Variants in WDR26 observed in about 807,000 individuals in gnomAD.
WDR26 encodes WD repeat domain 26.
In WDR26, 5 loss-of-function variants were observed where a neutral mutation model predicts 84.1. That is an observed-to-expected ratio of 0.06 (90% CI 0.03 to 0.13). WDR26 has a LOEUF of 0.13. Ranked by LOEUF, WDR26 falls within the 10% of genes least tolerant of loss-of-function variation. WDR26 has a pLI of 1.00. For synonymous variants in WDR26, 415 were observed against 389.6 expected (o/e 1.07, Z -0.77); for missense variants, 642 against 974.9 (o/e 0.66, Z 4.55).
chr1:224,387,418 TTA>T lies in WDR26; in HGVS notation c.*2415_*2416del, dbSNP rs1673014080. 6.6e-6 allele frequency: 1 copy of T among 152,654 alleles called. No homozygotes were observed. Among genetic ancestry groups the T allele is most frequent in the Non-Finnish European group, 1.5e-5 (1 of 68,036 alleles). The allele number at this position is 152,654 out of a possible 1,614,324, so 9.5% of individuals were successfully genotyped here. A position where few individuals can be genotyped will look rare whatever the true frequency, so the allele number is the denominator to read the frequency against. ...ACCAGTATGTACAGGAAGCTGCCAG[TTA>T]AGACAGACCCGGAAAACAAACTCAC... On this transcript the variant is annotated 3_prime_UTR_variant, in exon 14 of 14. Coordinates refer to ENST00000414423, the MANE Select transcript of WDR26 (RefSeq NM_001379403.1).
intron 6 of WDR26, among the ~76,000 whole-genome samples, chr1:224,416,138 A>G (rs1673896728): frequency 6.6e-6 from 1 of 152,190 alleles, no homozygotes; most frequent in Non-Finnish European, 1.5e-5. Context: ...GTTTTGTTTT[A>G]AGATTACAGA....
chr1:224,430,218 G>C (rs974906619), intron 3 of WDR26: 6 of 151,894 alleles, frequency 4.0e-5, no homozygotes, highest in Non-Finnish European at 7.4e-5. Flanking sequence ...TTTGAATATA[G>C]ATGTTTAACT....
At chr1:224,433,648 T>C in intron 1 of WDR26, 36 bp downstream of exon 1, 1 of 1,299,404 alleles carries the variant, frequency 7.7e-7, no homozygotes, top group Non-Finnish European at 9.9e-7. Context: ...CGTCCCTCGG[T>C]CTGTCCATCA....
intron 8 of WDR26, among the ~76,000 whole-genome samples, chr1:224,404,053 T>C (rs947652555): frequency 3.9e-5 from 6 of 152,204 alleles, no homozygotes; most frequent in Non-Finnish European, 8.8e-5. Context: ...AAGGAGATGG[T>C]GCAACTGCCA....
At chr1:224,431,610 G>T in intron 2 of WDR26, 29 bp from the exon 3 acceptor site, 3 of 1,611,418 alleles carry the variant, frequency 1.9e-6, no homozygotes, top group Non-Finnish European at 2.5e-6. Flanking sequence ...AAGAAAAACA[G>T]AAATGTCACA....
chr1:224,394,099 C>G, intron 12 of WDR26, 86 bp from the exon 13 acceptor site: 1 of 1,022,418 alleles, frequency 9.8e-7, no homozygotes, highest in Non-Finnish European at 1.3e-6. Context: ...ACACACAGGA[C>G]TCTTTACTAG....
chr1:224,417,394 C>T (rs12124686), intron 6 of WDR26, among the ~76,000 whole-genome samples: 17,998 of 152,174 alleles, frequency 0.12, 1,300 homozygotes, highest in South Asian at 0.25. Context: ...ATTTGTTATT[C>T]GATATCTTAA....
In WDR26 at chr1:224,389,707, A is replaced by C; in HGVS notation, c.*128T>G. 1 of 1,022,232 alleles carries C rather than the reference A, an allele frequency of 9.8e-7. No homozygotes were observed. Among genetic ancestry groups the C allele is most frequent in the Non-Finnish European group, 1.5e-6 (1 of 662,848 alleles). The allele number at this position is 1,022,232 out of a possible 1,614,324, so 63.3% of individuals were successfully genotyped here. On this transcript the variant is annotated 3_prime_UTR_variant, in exon 14 of 14. Transcript: ENST00000414423. ...ATGTTTGGCCCCAATCGGGCTTCAG[A>C]AATGGTTCTTTTTTCATGACGAGCA...
chr1:224,426,356 C>T (rs989870442), intron 3 of WDR26, among the ~76,000 whole-genome samples: 3 of 152,072 alleles, frequency 2.0e-5, no homozygotes, highest in Non-Finnish European at 4.4e-5. Flanking sequence ...TAAACCCTCT[C>T]ATATAAGTTA....
chr1:224,433,133 C>T (rs1674449237), intron 1 of WDR26, among the ~76,000 whole-genome samples: 1 of 152,156 alleles, frequency 6.6e-6, no homozygotes. Flanking sequence ...AACCTCTTTC[C>T]AAATGATCCC....
At chr1:224,399,121 C>A in intron 9 of WDR26, 87 bp from the exon 10 acceptor site, 1 of 1,263,738 alleles carries the variant, frequency 7.9e-7, no homozygotes. Flanking sequence ...TTCACAATAT[C>A]TTTTAGTAAC....
intron 4 of WDR26, among the ~76,000 whole-genome samples, chr1:224,420,946 GC>G (rs1674044300): frequency 6.6e-6 from 1 of 151,980 alleles, no homozygotes; most frequent in Admixed American, 6.6e-5. Flanking sequence ...CTTTTTTTGG[GC>G]AAAGTTTATT....
chr1:224,420,650 AACT>A (rs2102915226), intron 4 of WDR26, among the ~76,000 whole-genome samples: 1 of 152,342 alleles, frequency 6.6e-6, no homozygotes, highest in African/African-American at 2.4e-5. Context: ...CAAACAGCAG[AACT>A]ACTTTTCCTC....
At chr1:224,409,100 A>C (rs1673661541) in intron 7 of WDR26, among the ~76,000 whole-genome samples, 1 of 152,098 alleles carries the variant, frequency 6.6e-6, no homozygotes, top group African/African-American at 2.4e-5. Context: ...TAGTATACTA[A>C]ATTAGGTAGT....
intron 7 of WDR26, among the ~76,000 whole-genome samples, chr1:224,410,482 G>A (rs1369782417): frequency 2.0e-5 from 3 of 151,668 alleles, no homozygotes; most frequent in Admixed American, 6.6e-5. Context: ...GGTTATAAAC[G>A]AACACTTATC....
In WDR26 at chr1:224,389,525, AAGAC is replaced by A. The variant is rs1266346915; in HGVS notation, c.*306_*309del. 24 of 513,228 alleles carry A rather than the reference AAGAC, an allele frequency of 4.7e-5. No individual in the cohort carries two copies. The highest frequency in any genetic ancestry group is 3.9e-5 in the Admixed American group (1 of 25,606). The allele number at this position is 513,228 out of a possible 1,614,324, so 31.8% of individuals were successfully genotyped here. On this transcript the variant is annotated 3_prime_UTR_variant, in exon 14 of 14. Transcript: ENST00000414423. ...ACAAGAATGGTATCCTGCCAGACAAAAGACAGGAAGGAAAAAAATATATATACTG... is the reference window on the plus strand; with the variant it reads ...ACAAGAATGGTATCCTGCCAGACAAAAGGAAGGAAAAAAATATATATACTG...
chr1:224,401,690 G>GGAAA (rs1673421225), intron 8 of WDR26, among the ~76,000 whole-genome samples: 1 of 84,048 alleles, frequency 1.2e-5, no homozygotes, highest in African/African-American at 4.4e-5. Flanking sequence ...AAAAAAAAAA[G>GGAAA]AAAAAAAAAA....
rs1383554946 is a variant in WDR26 at position 224,387,895 on chromosome 1, G to A, written c.*1940C>T. ...AAGCTTAAAGTAAAAAGTAATTTTA[G>A]TTAAGAAAAATGAAGTACCAGATAA... On this transcript the variant is annotated 3_prime_UTR_variant, in exon 14 of 14. Transcript: ENST00000414423. The A allele has an allele frequency of 6.6e-6, 1 of 152,542 alleles. No individual in the cohort carries two copies. The allele number at this position is 152,542 out of a possible 1,614,324, so 9.4% of individuals were successfully genotyped here.
intron 3 of WDR26, among the ~76,000 whole-genome samples, chr1:224,425,094 C>CAAA: frequency 6.6e-6 from 1 of 152,066 alleles, no homozygotes; most frequent in Non-Finnish European, 1.5e-5. Flanking sequence ...AAAAAAATAG[C>CAAA]AAATGAACTA....
Sources: allele counts gnomAD v4.1 joint callset (sites outside exome capture counted in the v4.1 genomes callset), GRCh38; gene constraint gnomAD v4.1.1; transcripts MANE v1.5; gene names NCBI Gene and HGNC (gene_info 2026-07-23, HGNC 2026-07-21).